Variants in PCDHA8 observed in about 807,000 individuals in gnomAD.
PCDHA8 encodes the protein protocadherin alpha 8.
PCDHA8 carries 53 observed loss-of-function variants against 61.8 expected under a neutral mutation model. The ratio of observed to expected loss-of-function variants is 0.86; its 90% CI spans 0.69 to 1.08. The LOEUF (loss-of-function observed/expected upper bound fraction) is 1.08, where lower values mean the gene tolerates loss of function less well. Ranked by LOEUF, PCDHA8 falls within the 50% of genes least tolerant of loss-of-function variation. PCDHA8 has a pLI of 0.00. For missense variants in PCDHA8, 1,293 were observed against 1,245.0 expected (o/e 1.04, Z -0.58); for synonymous variants, 618 against 556.6 (o/e 1.11, Z -1.55).
chr5:141,003,291 G>C (rs1402781511), intron 3 of PCDHA8, among the ~76,000 whole-genome samples: 1 of 152,158 alleles, frequency 6.6e-6, no homozygotes, highest in Non-Finnish European at 1.5e-5. Flanking sequence ...TGGATTATAG[G>C]ATTACATGAA....
At chr5:141,001,872 CAAG>C (rs1329160545) in intron 3 of PCDHA8, among the ~76,000 whole-genome samples, 1 of 152,126 alleles carries the variant, frequency 6.6e-6, no homozygotes, top group African/African-American at 2.4e-5. Flanking sequence ...TGCCCAAAAC[CAAG>C]AAGGAGCAAA....
At chr5:140,881,579 C>A (rs1299755224) in intron 1 of PCDHA8, among the ~76,000 whole-genome samples, 1 of 152,168 alleles carries the variant, frequency 6.6e-6, no homozygotes, top group Non-Finnish European at 1.5e-5. Context: ...TCTCAAGTCA[C>A]ATTGAGGGAA....
At chr5:140,899,200 T>G (rs1554188457) in intron 1 of PCDHA8, among the ~76,000 whole-genome samples, 2 of 151,512 alleles carry the variant, frequency 1.3e-5, no homozygotes, top group Admixed American at 1.3e-4. Context: ...CCTGCCTAAT[T>G]GCCCTGGCCA....
intron 1 of PCDHA8, chr5:140,861,426 T>A (rs1451953787): frequency 2.1e-6 from 1 of 485,412 alleles, no homozygotes; most frequent in Non-Finnish European, 4.2e-6. Context: ...CCTGTTTCAG[T>A]TGGATTCCAA....
chr5:140,935,563 C>T (rs1554210554), intron 1 of PCDHA8, among the ~76,000 whole-genome samples: 1 of 152,176 alleles, frequency 6.6e-6, no homozygotes. Context: ...GGAAAAGTTC[C>T]TCTCTGTGTA....
chr5:140,985,739 C>CTTTT (rs11372071), intron 3 of PCDHA8, among the ~76,000 whole-genome samples: 9 of 117,918 alleles, frequency 7.6e-5, no homozygotes, highest in East Asian at 2.5e-4. Flanking sequence ...TGATGAATTC[C>CTTTT]TTTTTTTTTT....
At chr5:140,921,414 T>G (rs2080207969) in intron 1 of PCDHA8, among the ~76,000 whole-genome samples, 1 of 152,206 alleles carries the variant, frequency 6.6e-6, no homozygotes, top group Admixed American at 6.5e-5. Flanking sequence ...TCCTCTGTGC[T>G]GCAGACAAAA....
chr5:140,916,864 T>A (rs2077768356), intron 1 of PCDHA8, among the ~76,000 whole-genome samples: 1 of 152,156 alleles, frequency 6.6e-6, no homozygotes, highest in African/African-American at 2.4e-5. Flanking sequence ...AGGAGTTACC[T>A]AGGAATTGCA....
intron 1 of PCDHA8, among the ~76,000 whole-genome samples, chr5:140,978,211 A>T (rs185344384): frequency 1.3e-5 from 2 of 152,340 alleles, no homozygotes; most frequent in African/African-American, 4.8e-5. Flanking sequence ...AACTAATGCA[A>T]AATGTATCAG....
chr5:140,961,970 G>A (rs1282918892), intron 1 of PCDHA8, among the ~76,000 whole-genome samples: 1 of 150,888 alleles, frequency 6.6e-6, no homozygotes, highest in Non-Finnish European at 1.5e-5. Flanking sequence ...TGCAACCTCC[G>A]CCTCCTGGGT....
At chr5:140,903,585 T>C (rs928775971) in intron 1 of PCDHA8, among the ~76,000 whole-genome samples, 2 of 152,224 alleles carry the variant, frequency 1.3e-5, no homozygotes, top group Non-Finnish European at 2.9e-5. Context: ...TAGCTGGTGT[T>C]GGCCTGATAA....
At chr5:140,920,505 T>C (rs545028033) in intron 1 of PCDHA8, among the ~76,000 whole-genome samples, 1 of 152,344 alleles carries the variant, frequency 6.6e-6, no homozygotes, top group South Asian at 2.1e-4. Flanking sequence ...TTCTACATAC[T>C]GTTTTATGCA....
intron 1 of PCDHA8, among the ~76,000 whole-genome samples, chr5:140,888,190 A>G (rs2153423083): frequency 6.6e-6 from 1 of 152,280 alleles, no homozygotes; most frequent in East Asian, 1.9e-4. Flanking sequence ...TGTGAATTTT[A>G]CATTGTCGGA....
intron 1 of PCDHA8, chr5:140,966,860 T>C (rs1586162562): frequency 3.2e-6 from 5 of 1,577,484 alleles, no homozygotes; most frequent in East Asian, 2.3e-5. Context: ...CCTGCTGCTG[T>C]TGCTGCTGCT....
intron 1 of PCDHA8, chr5:140,967,270 C>G (rs782562333): frequency 6.2e-7 from 1 of 1,613,488 alleles, no homozygotes; most frequent in Non-Finnish European, 8.5e-7. Context: ...CGCGCTTTCA[C>G]ATAGAGAGTG....
intron 1 of PCDHA8, among the ~76,000 whole-genome samples, chr5:140,893,161 G>A (rs2063850346): frequency 6.6e-6 from 1 of 152,160 alleles, no homozygotes; most frequent in African/African-American, 2.4e-5. Context: ...TGGATATTGA[G>A]GTTGATTCCA....
At chr5:140,871,567 A>AT (rs1441824086) in intron 1 of PCDHA8, 49 of 1,482,936 alleles carry the variant, frequency 3.3e-5, no homozygotes, top group Non-Finnish European at 3.9e-5. Flanking sequence ...TTTTTCACGG[A>AT]TTTTTTAAGG....
rs1382251688 is a variant in PCDHA8, at chr5:141,010,812, C to A, written c.*875C>A. The A allele has an allele frequency of 6.5e-6, 1 of 153,746 alleles. No homozygotes were observed. Among genetic ancestry groups the A allele is most frequent in the Non-Finnish European group, 1.5e-5 (1 of 68,054 alleles). The allele number at this position is 153,746 out of a possible 1,614,324, so 9.5% of individuals were successfully genotyped here. On this transcript the variant is annotated 3_prime_UTR_variant, in exon 4 of 4. Coordinates refer to ENST00000531613, the MANE Select transcript of PCDHA8 (RefSeq NM_018911.3). The stretch of plus-strand genomic sequence containing the variant: ...GCAAAAGAAAACCCCGACACCTCAC[C>A]TTTCGCTGTTTGTTGTTTCATAGAT...
At chr5:140,861,503 C>T in intron 1 of PCDHA8, 3 of 478,536 alleles carry the variant, frequency 6.3e-6, no homozygotes, top group South Asian at 4.8e-5. Flanking sequence ...TGATAGACCT[C>T]GAGGAGCTGT....
Sources: gnomAD v4.1 joint callset for allele counts (sites outside exome capture counted in the v4.1 genomes callset) on GRCh38, gnomAD v4.1.1 for gene constraint, MANE v1.5 for transcripts, NCBI Gene and HGNC (gene_info 2026-07-23, HGNC 2026-07-21) for gene names.